The following ADAM12 variants were observed in gnomAD, a reference collection of about 807,000 sequenced individuals.
The protein encoded by ADAM12 is ADAM metallopeptidase domain 12, also known as disintegrin and metalloproteinase domain-containing protein 12.
A neutral mutation model predicts 106.4 loss-of-function variants in ADAM12; 70 were observed. The ratio of observed to expected loss-of-function variants is 0.66; its 90% confidence interval spans 0.54 to 0.80. ADAM12 has a LOEUF of 0.80. Among genes scored for constraint, ADAM12 ranks in the 30% least tolerant of loss-of-function variants. ADAM12 has a pLI of 0.00. For missense variants in ADAM12, 1,010 were observed against 1,171.9 expected (o/e 0.86, Z 2.02); for synonymous variants, 420 against 433.5 (o/e 0.97, Z 0.39).
intron 3 of ADAM12, among the ~76,000 whole-genome samples, chr10:126,174,910 G>A (rs948303383): frequency 1.3e-5 from 2 of 151,964 alleles, no homozygotes; most frequent in African/African-American, 2.4e-5. Context: ...CTGCCACCAC[G>A]CCCGGCTAAT....
At chr10:126,100,817 G>A (rs11815347) in intron 9 of ADAM12, among the ~76,000 whole-genome samples, 14,680 of 152,094 alleles carry the variant, frequency 0.097, 1,797 homozygotes, top group African/African-American at 0.28. Flanking sequence ...GAAAATGTCC[G>A]GGTTCTAGAA....
At chr10:126,254,430 C>A (rs1033210069) in intron 3 of ADAM12, among the ~76,000 whole-genome samples, 1 of 152,206 alleles carries the variant, frequency 6.6e-6, no homozygotes, top group African/African-American at 2.4e-5. Flanking sequence ...GAAGAACCTG[C>A]GGTCTGGTCA....
chr10:126,027,618 A>C (rs1434787365), intron 21 of ADAM12, among the ~76,000 whole-genome samples: 1 of 152,238 alleles, frequency 6.6e-6, no homozygotes, highest in Non-Finnish European at 1.5e-5. Context: ...GACAAAAACC[A>C]TATGATTATC....
At chr10:126,039,671 G>T (rs965041124) in intron 18 of ADAM12, among the ~76,000 whole-genome samples, 8 of 152,232 alleles carry the variant, frequency 5.3e-5, no homozygotes, top group African/African-American at 1.7e-4. Flanking sequence ...TAGTCGGGTA[G>T]GTGGGGTGAT....
At chr10:126,185,133 C>A (rs971485155) in intron 3 of ADAM12, among the ~76,000 whole-genome samples, 3 of 152,240 alleles carry the variant, frequency 2.0e-5, no homozygotes, top group African/African-American at 7.2e-5. Context: ...AAAGCTGAGT[C>A]CTGGCTTACC....
intron 2 of ADAM12, among the ~76,000 whole-genome samples, chr10:126,316,096 A>C (rs4962552): frequency 0.06 from 9,093 of 152,176 alleles, 456 homozygotes; most frequent in East Asian, 0.2. Context: ...GATATGATAG[A>C]ATTTTTTACC....
intron 3 of ADAM12, among the ~76,000 whole-genome samples, chr10:126,166,560 C>T (rs963730840): frequency 2.0e-5 from 3 of 151,900 alleles, no homozygotes; most frequent in African/African-American, 4.8e-5. Context: ...TGCAGTGGCG[C>T]GAGATCTCGG....
chr10:126,181,243 TG>T (rs1957306624), intron 3 of ADAM12, among the ~76,000 whole-genome samples: 2 of 152,056 alleles, frequency 1.3e-5, no homozygotes, highest in Non-Finnish European at 2.9e-5. Flanking sequence ...AGCTAATTTT[TG>T]TATTTTTAGT....
chr10:126,204,268 T>C (rs986461592), intron 3 of ADAM12, among the ~76,000 whole-genome samples: 2 of 152,228 alleles, frequency 1.3e-5, no homozygotes, highest in African/African-American at 2.4e-5. Flanking sequence ...GGAGGAAACA[T>C]GGCTTCCCTT....
Position 126,049,467 on chromosome 10 carries a change from C to T in ADAM12, c.1719-16G>A. On this transcript the variant is annotated splice_polypyrimidine_tract_variant and intron_variant, in intron 15 of 22. Transcript: ENST00000448723. This position sits in a 1 kb window ranked among gnomAD's most constrained non-coding sequence, Gnocchi z 4.4. Reference sequence around the variant, plus strand: ...TTTAGCATCTCTGGAAGGGTAAGAACAAACAATTCCCAAGGAGAAACCATT... The same window carrying T: ...TTTAGCATCTCTGGAAGGGTAAGAATAAACAATTCCCAAGGAGAAACCATT... 2 of 1,614,144 alleles carry T rather than the reference C, an allele frequency of 1.2e-6. No individual in the cohort carries two copies. The highest frequency in any genetic ancestry group is 1.7e-6 in the Non-Finnish European group (2 of 1,179,992).
chr10:126,113,756 G>A (rs370960529), intron 6 of ADAM12, among the ~76,000 whole-genome samples: 2 of 120,352 alleles, frequency 1.7e-5, no homozygotes, highest in South Asian at 2.9e-4. Flanking sequence ...GCTACTGGAA[G>A]GAGAACGGAT....
At chr10:126,375,176 A>C (rs182538492) in intron 1 of ADAM12, among the ~76,000 whole-genome samples, 12 of 151,602 alleles carry the variant, frequency 7.9e-5, no homozygotes, top group Non-Finnish European at 1.3e-4. Context: ...TGCTACTCAG[A>C]GACCTTCAAT....
rs550361654 is a variant in ADAM12, at chr10:126,343,576, T to C, written c.89-13067A>G. 2.2e-3 allele frequency among the ~76,000 whole-genome samples: 340 copies of C among 152,306 alleles called. 2 individuals are homozygous for C. The highest frequency in any genetic ancestry group is 7.9e-3 in the African/African-American group (328 of 41,562). On this transcript the variant is annotated intron_variant, in intron 1 of 22. Coordinates refer to ENST00000448723, the MANE Select transcript of ADAM12 (RefSeq NM_001288973.2). ...GGATGGCTGGGTCAAATGGTATTTCTAGTTCTAGATCCCTGAGGAATCGCC... is the reference window on the plus strand; with the variant it reads ...GGATGGCTGGGTCAAATGGTATTTCCAGTTCTAGATCCCTGAGGAATCGCC...
In ADAM12 at chr10:126,017,289, T is replaced by C; in HGVS notation, c.2711A>G (p.Tyr904Cys). ...AAAGGTGTCGGCTTCTCACTTAATA[T>C]AGGCGGTGTGGGTGGATCTGGGCAC... ...HQVPRSTHTA[Y>C]IK The change falls in exon 23 of 23, where the codon TAT becomes TGT. Residue 904 changes from tyrosine (Y) to cysteine (C), a missense_variant. Transcript: ENST00000448723. 1 of 1,594,998 alleles carries C rather than the reference T, an allele frequency of 6.3e-7. No homozygotes were observed.
chr10:126,133,402 C>A (rs1956343893), intron 5 of ADAM12, among the ~76,000 whole-genome samples: 1 of 152,156 alleles, frequency 6.6e-6, no homozygotes, highest in Admixed American at 6.5e-5. Context: ...ACACAGATCA[C>A]TAACAAAATT....
At chr10:126,268,676 T>C (rs1365523322) in intron 3 of ADAM12, among the ~76,000 whole-genome samples, 1 of 152,248 alleles carries the variant, frequency 6.6e-6, no homozygotes, top group East Asian at 1.9e-4. Flanking sequence ...AGTTTTCCCA[T>C]GCATGTTATG....
chr10:126,374,891 A>T (rs1424683640), intron 1 of ADAM12, among the ~76,000 whole-genome samples: 1 of 152,134 alleles, frequency 6.6e-6, no homozygotes, highest in African/African-American at 2.4e-5. Flanking sequence ...AAACACACGA[A>T]TAAAATACAG....
At chr10:126,221,389 C>CA (rs35766891) in intron 3 of ADAM12, among the ~76,000 whole-genome samples, 1,637 of 100,582 alleles carry the variant, frequency 0.016, 40 homozygotes, top group African/African-American at 0.051. Context: ...GACTCTGTCT[C>CA]AAAAAAAAAA....
rs1203245005 is a variant in ADAM12 at position 126,200,578 on chromosome 10, G to A, written c.261-45273C>T. ...TAATCGACAACACCACGATATAATG[G>A]TTCCCACACTGTGGAGCTGCCGTGG... On this transcript the variant is annotated intron_variant, in intron 3 of 22. Coordinates refer to ENST00000448723, the MANE Select transcript of ADAM12 (RefSeq NM_001288973.2). 2.0e-5 allele frequency among the ~76,000 whole-genome samples: 3 copies of A among 152,118 alleles called. No individual in the cohort carries two copies. The East Asian group carries it at 5.8e-4, about 29-fold the overall frequency.
Sources: gnomAD v4.1 joint callset for allele counts (sites outside exome capture counted in the v4.1 genomes callset) on GRCh38, gnomAD v4.1.1 for gene constraint, Gnocchi (gnomAD v3.1) non-coding constraint, MANE v1.5 for transcripts, NCBI Gene and HGNC (gene_info 2026-07-23, HGNC 2026-07-21) for gene names.